KCND2: variants seen among roughly 807,000 people sequenced by gnomAD.
KCND2 encodes potassium voltage-gated channel subfamily D member 2.
In KCND2, 16 loss-of-function variants were observed where a neutral mutation model predicts 54.4. That is an observed-to-expected ratio of 0.29 (90% CI 0.20 to 0.45). KCND2 has a LOEUF of 0.45. Among genes scored for constraint, KCND2 ranks in the 20% least tolerant of loss-of-function variants. The pLI is 1.00. For synonymous variants in KCND2, 317 were observed against 310.7 expected, an observed-to-expected ratio of 1.02 and a Z score of -0.21; for missense variants, 486 against 824.2, an observed-to-expected ratio of 0.59 and a Z score of 5.02.
intron 1 of KCND2, among the ~76,000 whole-genome samples, chr7:120,386,406 C>T (rs1016819878): frequency 1.3e-5 from 2 of 152,016 alleles, no homozygotes; most frequent in African/African-American, 2.4e-5. Flanking sequence ...AATGGTGCTT[C>T]GGAGCACAGG....
Position 120,650,562 on chromosome 7 carries a change from T to A in KCND2, c.1116-82341T>A, listed in dbSNP as rs778844614. Among the ~76,000 whole-genome samples the A allele has an allele frequency of 3.5e-5, 5 of 143,656 alleles. 1 individual carries two copies. In the South Asian group the frequency reaches 8.7e-4, roughly 25 times the overall value. 94.2% of individuals were successfully genotyped at this position (143,656 alleles called of 152,430 possible). A position where few individuals can be genotyped will look rare whatever the true frequency, so the allele number is the denominator to read the frequency against. On this transcript the variant is annotated intron_variant, in intron 1 of 5. Transcript: ENST00000331113. Reference sequence around the variant, plus strand: ...TAGCTTCTTTGCGATGGGTTCGAACTTCCTCCTTTAGCTCGGAGAAGTTTG... The same window carrying A: ...TAGCTTCTTTGCGATGGGTTCGAACATCCTCCTTTAGCTCGGAGAAGTTTG...
At chr7:120,649,091 AT>A (rs1791688946) in intron 1 of KCND2, among the ~76,000 whole-genome samples, 1 of 152,170 alleles carries the variant, frequency 6.6e-6, no homozygotes, top group East Asian at 1.9e-4. Flanking sequence ...CTCTCATTTA[AT>A]TTTTGAGAAA....
intron 1 of KCND2, among the ~76,000 whole-genome samples, chr7:120,578,916 T>TCACACACACACACACACACACA (rs111758455): frequency 6.8e-6 from 1 of 146,772 alleles, no homozygotes; most frequent in Non-Finnish European, 1.5e-5. Flanking sequence ...AGACCCTGTC[T>TCACACACACACACACACACACA]CACACACACA....
At chr7:120,722,186 A>C (rs887932994) in intron 1 of KCND2, among the ~76,000 whole-genome samples, 5 of 152,174 alleles carry the variant, frequency 3.3e-5, no homozygotes, top group Non-Finnish European at 4.4e-5. Context: ...TATGAGTGGT[A>C]AGAAATGACC....
intron 1 of KCND2, among the ~76,000 whole-genome samples, chr7:120,453,624 A>G (rs2402530): frequency 0.25 from 38,284 of 151,998 alleles, 6,547 homozygotes; most frequent in East Asian, 0.56. Context: ...ATCACTCAAA[A>G]CCATACAATT....
At position 120,654,721 on chromosome 7, in the gene KCND2, G is replaced by A. The variant is rs935675510; in HGVS notation, c.1116-78182G>A. 3.3e-5 allele frequency among the ~76,000 whole-genome samples: 5 copies of A among 152,094 alleles called. No homozygotes were observed. In the East Asian group the frequency reaches 9.6e-4, roughly 29 times the overall value. ...AAAATATGTACTGATACAATGCCAA[G>A]CAAATCAGTAAAGTGCTACAGTAAA... On this transcript the variant is annotated intron_variant, in intron 1 of 5. Coordinates refer to ENST00000331113, the MANE Select transcript of KCND2 (RefSeq NM_012281.3).
chr7:120,413,089 C>T (rs1801474144), intron 1 of KCND2, among the ~76,000 whole-genome samples: 1 of 151,992 alleles, frequency 6.6e-6, no homozygotes, highest in South Asian at 2.1e-4. Context: ...ACTACTAGCA[C>T]CACCTTCCCA....
chr7:120,305,040 A>C (rs1209555987), intron 1 of KCND2, among the ~76,000 whole-genome samples: 1 of 152,170 alleles, frequency 6.6e-6, no homozygotes, highest in East Asian at 1.9e-4. Context: ...TTCATGCTTC[A>C]AATCCAGACA....
At chr7:120,564,827 G>A (rs1260929544) in intron 1 of KCND2, among the ~76,000 whole-genome samples, 2 of 152,072 alleles carry the variant, frequency 1.3e-5, no homozygotes, top group Admixed American at 1.3e-4. Flanking sequence ...CAAGGCAGAG[G>A]AATTTACATT....
chr7:120,626,760 T>C (rs1793168785), intron 1 of KCND2, among the ~76,000 whole-genome samples: 1 of 152,240 alleles, frequency 6.6e-6, no homozygotes, highest in South Asian at 2.1e-4. Context: ...AAGATTTTCT[T>C]CCTATTTTTA....
intron 1 of KCND2, among the ~76,000 whole-genome samples, chr7:120,450,541 A>G (rs1490818454): frequency 6.6e-6 from 1 of 152,186 alleles, no homozygotes; most frequent in African/African-American, 2.4e-5. Context: ...ACAATGGAGA[A>G]AAGTCCTTCA....
intron 1 of KCND2, among the ~76,000 whole-genome samples, chr7:120,407,713 T>C (rs1226967718): frequency 1.3e-5 from 2 of 150,572 alleles, no homozygotes; most frequent in African/African-American, 2.4e-5. Context: ...AACTTTATAA[T>C]ATAAAAATAT....
At chr7:120,422,687 C>A (rs140122060) in intron 1 of KCND2, among the ~76,000 whole-genome samples, 1 of 152,306 alleles carries the variant, frequency 6.6e-6, no homozygotes, top group Admixed American at 6.5e-5. Flanking sequence ...CTCCACCTCG[C>A]TCTGCTTTCT....
chr7:120,358,986 A>G, intron 1 of KCND2, among the ~76,000 whole-genome samples: 1 of 152,216 alleles, frequency 6.6e-6, no homozygotes, highest in East Asian at 1.9e-4. Context: ...TCTGTGGCAT[A>G]GGTCAGATAC....
At position 120,274,868 on chromosome 7, in the gene KCND2, A is replaced by C. The variant is rs1273089507; in HGVS notation, c.236A>C (p.Glu79Ala). 4.3e-6 allele frequency: 7 copies of C among 1,614,098 alleles called. No homozygotes were observed. Among genetic ancestry groups the C allele is most frequent in the Non-Finnish European group, 5.9e-6 (7 of 1,180,012 alleles). Residue 79 changes from glutamate (E) to alanine (A), a missense_variant, in exon 1 of 6, where the codon GAA becomes GCA. By Grantham distance (107) the Glu-to-Ala change is moderately radical (BLOSUM62 -1). Transcript: ENST00000331113. ...GAGAGGGACTTTTTCTACCACCCAG[A>C]AACTCAGCAGTATTTCTTTGACCGT... ...SSERDFFYHP[E>A]TQQYFFDRDP...
chr7:120,694,354 C>T (rs1321996065), intron 1 of KCND2, among the ~76,000 whole-genome samples: 1 of 152,110 alleles, frequency 6.6e-6, no homozygotes, highest in African/African-American at 2.4e-5. Context: ...TTGTCATGTG[C>T]ATGTAGACTG....
At chr7:120,438,187 T>C (rs1801897600) in intron 1 of KCND2, among the ~76,000 whole-genome samples, 1 of 152,186 alleles carries the variant, frequency 6.6e-6, no homozygotes, top group Non-Finnish European at 1.5e-5. Flanking sequence ...ATTTTAGATA[T>C]TTGGCAGCGC....
chr7:120,643,036 C>A (rs990866986), intron 1 of KCND2, among the ~76,000 whole-genome samples: 7 of 152,114 alleles, frequency 4.6e-5, no homozygotes, highest in African/African-American at 1.7e-4. Flanking sequence ...AACATCCTTC[C>A]AGAAGCAATG....
rs115784139 is a variant in KCND2, at chr7:120,652,162, G to A, written c.1116-80741G>A. Among the ~76,000 whole-genome samples, 1,282 of 151,484 alleles carry A rather than the reference G, an allele frequency of 8.5e-3. 15 individuals are homozygous for A. The highest frequency in any genetic ancestry group is 0.027 in the African/African-American group (1,122 of 41,230). On this transcript the variant is annotated intron_variant, in intron 1 of 5. Coordinates refer to ENST00000331113, the MANE Select transcript of KCND2 (RefSeq NM_012281.3). ...ACAGTCTTGGCTTACTCCAAACTCC[G>A]CCTCCCGGGTTCAAGTGATTCCCCT...
Sources: allele counts gnomAD v4.1 joint callset (sites outside exome capture counted in the v4.1 genomes callset), GRCh38; gene constraint gnomAD v4.1.1; transcripts MANE v1.5; gene names NCBI Gene and HGNC (gene_info 2026-07-23, HGNC 2026-07-21).